BTBD9: variants seen among roughly 807,000 people sequenced by gnomAD.
BTBD9 encodes the protein BTB domain containing 9, also known as BTB/POZ domain-containing protein 9.
In BTBD9, 49 loss-of-function variants were observed where a neutral mutation model predicts 64.3. That is an observed-to-expected ratio of 0.76 (90% CI 0.61 to 0.97). The LOEUF (loss-of-function observed/expected upper bound fraction) is 0.97. Among genes scored for constraint, BTBD9 ranks in the 50% least tolerant of loss-of-function variants. The pLI, the probability that BTBD9 is intolerant of heterozygous loss-of-function variation, is 0.00. For synonymous variants in BTBD9, 260 were observed against 274.7 expected, an observed-to-expected ratio of 0.95 and a Z score of 0.53; for missense variants, 598 against 762.1, an observed-to-expected ratio of 0.78 and a Z score of 2.53.
intron 6 of BTBD9, among the ~76,000 whole-genome samples, chr6:38,503,057 GGGA>G (rs1297184198): frequency 1.3e-5 from 2 of 152,186 alleles, no homozygotes; most frequent in African/African-American, 4.8e-5. Context: ...GTAATGAAAA[GGGA>G]GGGAAGTGAG....
intron 9 of BTBD9, among the ~76,000 whole-genome samples, chr6:38,251,865 T>A (rs1453634811): frequency 6.7e-6 from 1 of 150,068 alleles, no homozygotes; most frequent in African/African-American, 2.5e-5. Context: ...GCACTCCAGC[T>A]TGGGTGACAG....
At chr6:38,523,566 G>A (rs1452344010) in intron 6 of BTBD9, among the ~76,000 whole-genome samples, 1 of 152,080 alleles carries the variant, frequency 6.6e-6, no homozygotes, top group Admixed American at 6.6e-5. Flanking sequence ...ACACCTTGTA[G>A]TCTCCCTGTC....
At chr6:38,395,903 GT>G (rs1039758339) in intron 6 of BTBD9, among the ~76,000 whole-genome samples, 7 of 152,050 alleles carry the variant, frequency 4.6e-5, no homozygotes, top group African/African-American at 1.7e-4. Context: ...TAGAGATGGG[GT>G]TTCACCATGT....
chr6:38,470,477 G>T (rs987984058), intron 6 of BTBD9, among the ~76,000 whole-genome samples: 1 of 152,208 alleles, frequency 6.6e-6, no homozygotes, highest in African/African-American at 2.4e-5. Flanking sequence ...ACAATGTCCT[G>T]TCTGGACATA....
intron 9 of BTBD9, among the ~76,000 whole-genome samples, chr6:38,223,725 T>A (rs975127723): frequency 6.6e-5 from 10 of 152,190 alleles, no homozygotes; most frequent in Admixed American, 6.5e-4. Flanking sequence ...ATACTCAGTT[T>A]TACCATTTCT....
chr6:38,517,999 G>GCA lies in BTBD9; in HGVS notation c.1154+59599_1154+59600dup, dbSNP rs540205968. The stretch of plus-strand genomic sequence containing the variant: ...GAAATTAAGAAGAAATCATTAAAAC[G>GCA]CACATTTTCAAAATACACTGAGTCA... On this transcript the variant is annotated intron_variant, in intron 6 of 10. Coordinates refer to ENST00000481247, the MANE Select transcript of BTBD9 (RefSeq NM_001099272.2). 7.9e-5 allele frequency among the ~76,000 whole-genome samples: 12 copies of GCA among 152,198 alleles called. No individual in the cohort carries two copies. In the East Asian group the frequency reaches 2.3e-3, roughly 29 times the overall value.
At chr6:38,426,002 C>T (rs1374616095) in intron 6 of BTBD9, among the ~76,000 whole-genome samples, 1 of 151,148 alleles carries the variant, frequency 6.6e-6, no homozygotes, top group African/African-American at 2.4e-5. Flanking sequence ...GCAAGCCCAA[C>T]CAGAAGCTAC....
intron 8 of BTBD9, among the ~76,000 whole-genome samples, chr6:38,280,014 T>C (rs988853591): frequency 6.6e-6 from 1 of 152,244 alleles, no homozygotes; most frequent in African/African-American, 2.4e-5. Context: ...AACATATTTT[T>C]TTTTTTGGCA....
In BTBD9 at chr6:38,256,504, C is replaced by T. The variant is rs746069720; in HGVS notation, c.1467G>A (p.Trp489Ter). The T allele has an allele frequency of 1.9e-6, 3 of 1,611,746 alleles. No homozygotes were observed. The highest frequency in any genetic ancestry group is 1.7e-5 in the Admixed American group (1 of 59,998). ...AGCTATAGCTTCGATCATCACAATC[C>T]CAAAGTAGTAACCTGAACAAAGGGA... ...YMIGSIRLLL[W>*]DCDDRSYSYY... Residue 489 changes from tryptophan to a stop codon, truncating the protein, a stop_gained, in exon 9 of 11, where the codon TGG (tryptophan) becomes TGA (stop). Coordinates refer to ENST00000481247, the MANE Select transcript of BTBD9 (RefSeq NM_001099272.2). LOFTEE classifies it high-confidence loss of function.
At chr6:38,348,733 G>C (rs1016049562) in intron 6 of BTBD9, among the ~76,000 whole-genome samples, 1 of 152,006 alleles carries the variant, frequency 6.6e-6, no homozygotes, top group Non-Finnish European at 1.5e-5. Flanking sequence ...ATAAGATTAC[G>C]GGTGAATGGG....
chr6:38,194,873 G>A (rs1179389914), intron 9 of BTBD9, among the ~76,000 whole-genome samples: 1 of 152,242 alleles, frequency 6.6e-6, no homozygotes, highest in African/African-American at 2.4e-5. Context: ...AGGGGAGGCA[G>A]GGCTGGCAGG....
chr6:38,508,985 C>G (rs1292734573), intron 6 of BTBD9, among the ~76,000 whole-genome samples: 2 of 152,174 alleles, frequency 1.3e-5, no homozygotes, highest in Non-Finnish European at 2.9e-5. Context: ...ATCTTACCTA[C>G]CCACCTTAGA....
intron 7 of BTBD9, among the ~76,000 whole-genome samples, chr6:38,315,441 T>C (rs1220576981): frequency 6.6e-6 from 1 of 152,164 alleles, no homozygotes; most frequent in Non-Finnish European, 1.5e-5. Context: ...TCTCTTTTAG[T>C]ACCGCTTTCG....
At chr6:38,333,170 C>T (rs1344813992) in intron 7 of BTBD9, among the ~76,000 whole-genome samples, 6 of 152,104 alleles carry the variant, frequency 3.9e-5, no homozygotes, top group Non-Finnish European at 5.9e-5. Context: ...GATGTTCCTG[C>T]TTCTATCATA....
intron 7 of BTBD9, among the ~76,000 whole-genome samples, chr6:38,328,670 G>A (rs952495272): frequency 6.0e-5 from 9 of 149,750 alleles, no homozygotes; most frequent in African/African-American, 1.7e-4. Context: ...ATTTGGGGCC[G>A]GGCGCGGTGG....
chr6:38,343,003 G>A (rs1274548796), intron 7 of BTBD9, among the ~76,000 whole-genome samples: 2 of 152,164 alleles, frequency 1.3e-5, no homozygotes, highest in Admixed American at 1.3e-4. Flanking sequence ...TTCCACTGCA[G>A]GCAATCTTCT....
At chr6:38,605,023 A>G (rs1214478412) in intron 1 of BTBD9, among the ~76,000 whole-genome samples, 1 of 152,028 alleles carries the variant, frequency 6.6e-6, no homozygotes, top group African/African-American at 2.4e-5. Context: ...ACCTAGAAAA[A>G]TGAGAATAAA....
intron 4 of BTBD9, among the ~76,000 whole-genome samples, chr6:38,585,831 C>T (rs1392819261): frequency 6.6e-6 from 1 of 151,878 alleles, no homozygotes; most frequent in African/African-American, 2.4e-5. Context: ...AAAAGCTCAA[C>T]CTAGTATAAG....
chr6:38,334,594 A>G (rs1366995941), intron 7 of BTBD9, among the ~76,000 whole-genome samples: 1 of 143,038 alleles, frequency 7.0e-6, no homozygotes, highest in Non-Finnish European at 1.5e-5. Context: ...ACATAACATA[A>G]CATAACATAA....
Sources: allele counts gnomAD v4.1 joint callset (sites outside exome capture counted in the v4.1 genomes callset), GRCh38; gene constraint gnomAD v4.1.1; transcripts MANE v1.5; gene names NCBI Gene and HGNC (gene_info 2026-07-23, HGNC 2026-07-21).